Variants in FTCDNL1 observed in about 807,000 individuals in gnomAD.
The protein encoded by FTCDNL1 is formiminotransferase N-terminal subdomain-containing protein.
FTCDNL1 carries 11 observed loss-of-function variants against 5.9 expected under a neutral mutation model. The ratio of observed to expected loss-of-function variants is 1.87; its 90% CI spans 1.18 to 3.10. FTCDNL1 has a LOEUF of 3.10. Ranked by LOEUF, FTCDNL1 falls within the 30% of genes most tolerant of loss-of-function variation. The probability of loss-of-function intolerance (pLI) is 0.00; values close to 1 mark genes in which losing one functional copy is unlikely to be tolerated. For synonymous variants in FTCDNL1, 58 were observed against 24.8 expected, an observed-to-expected ratio of 2.34 and a Z score of -3.99; for missense variants, 115 against 65.5, an observed-to-expected ratio of 1.76 and a Z score of -2.61.
At chr2:199,784,154 G>C (rs774294160) in intron 3 of FTCDNL1, among the ~76,000 whole-genome samples, 2 of 152,150 alleles carry the variant, frequency 1.3e-5, no homozygotes, top group Non-Finnish European at 2.9e-5. Flanking sequence ...AGATGAAAGA[G>C]TCTTTATATG....
chr2:199,754,470 C>A, the FTCDNL1 span, among the ~76,000 whole-genome samples: 1 of 152,092 alleles, frequency 6.6e-6, no homozygotes, highest in African/African-American at 2.4e-5. Context: ...GTCTTTAACA[C>A]CAGGAGGCCA....
At chr2:199,719,359 G>C in the FTCDNL1 span, among the ~76,000 whole-genome samples, 1 of 152,010 alleles carries the variant, frequency 6.6e-6, no homozygotes, top group East Asian at 1.9e-4. Flanking sequence ...TAGGTATGTG[G>C]CCTTATTTTC....
intron 3 of FTCDNL1, among the ~76,000 whole-genome samples, chr2:199,841,705 C>T (rs769964): frequency 0.047 from 7,101 of 152,178 alleles, 380 homozygotes; most frequent in African/African-American, 0.11. Flanking sequence ...CTTTCTTCTG[C>T]CATTTTAAGT....
intron 3 of FTCDNL1, among the ~76,000 whole-genome samples, chr2:199,832,692 G>A (rs913102187): frequency 1.3e-5 from 2 of 152,034 alleles, no homozygotes; most frequent in African/African-American, 4.8e-5. Flanking sequence ...CTCTCTTTAT[G>A]GTGAAAGAGA....
At chr2:199,821,392 C>T (rs1399830789) in intron 3 of FTCDNL1, among the ~76,000 whole-genome samples, 1 of 151,148 alleles carries the variant, frequency 6.6e-6, no homozygotes, top group African/African-American at 2.4e-5. Flanking sequence ...GAACTCCTGA[C>T]CTCGTGATCT....
At chr2:199,758,316 A>T (rs1342295164), downstream of FTCDNL1, among the ~76,000 whole-genome samples, 1 of 150,382 alleles carries the variant, frequency 6.6e-6, no homozygotes, top group Admixed American at 6.6e-5. Context: ...GAAAACAAAC[A>T]AATAACTTAT....
At chr2:199,780,836 G>A (rs1323252493) in intron 3 of FTCDNL1, among the ~76,000 whole-genome samples, 1 of 152,122 alleles carries the variant, frequency 6.6e-6, no homozygotes, top group Non-Finnish European at 1.5e-5. Context: ...GCCCTTTCCT[G>A]GTGTGACCAG....
chr2:199,824,207 T>C (rs1701879893), intron 3 of FTCDNL1, among the ~76,000 whole-genome samples: 2 of 152,240 alleles, frequency 1.3e-5, no homozygotes, highest in African/African-American at 4.8e-5. Flanking sequence ...CTTGCACTTT[T>C]ATGTTATGGA....
intron 3 of FTCDNL1, among the ~76,000 whole-genome samples, chr2:199,791,527 T>C (rs1480275867): frequency 3.3e-5 from 5 of 152,164 alleles, no homozygotes; most frequent in African/African-American, 4.8e-5. Flanking sequence ...TTAGTCACTA[T>C]GGTAACTTGC....
At chr2:199,678,410 T>A in the FTCDNL1 span, among the ~76,000 whole-genome samples, 50 of 152,292 alleles carry the variant, frequency 3.3e-4, no homozygotes, top group African/African-American at 1.2e-3. Context: ...ATAGCCCCCT[T>A]AGAAACTTGA....
chr2:199,802,618 C>A (rs1559200500), intron 3 of FTCDNL1, among the ~76,000 whole-genome samples: 1 of 152,178 alleles, frequency 6.6e-6, no homozygotes, highest in Non-Finnish European at 1.5e-5. Context: ...CTGATGGGGA[C>A]TACTCTGGGT....
At chr2:199,685,241 T>C in the FTCDNL1 span, among the ~76,000 whole-genome samples, 1 of 152,134 alleles carries the variant, frequency 6.6e-6, no homozygotes, top group Non-Finnish European at 1.5e-5. Context: ...CTAAGAGACC[T>C]GCAGGCGAAG....
rs192295634 is a variant in FTCDNL1, at chr2:199,803,058, G to A, written c.212-42223C>T. Among the ~76,000 whole-genome samples the A allele has an allele frequency of 4.6e-3, 696 of 151,986 alleles. 4 individuals carry two copies. The highest frequency in any genetic ancestry group is 0.016 in the African/African-American group (657 of 41,450). On this transcript the variant is annotated intron_variant, in intron 3 of 3. Coordinates refer to the FTCDNL1 transcript ENST00000416668. ...GAAATAAAAAAATTAGCCAGCTGTG[G>A]TGGTGTGCACCTGTAACCCCAGCTA... is the stretch of plus-strand genomic sequence containing the variant.
At chr2:199,770,847 T>C (rs1476817484) in intron 3 of FTCDNL1, among the ~76,000 whole-genome samples, 1 of 152,230 alleles carries the variant, frequency 6.6e-6, no homozygotes, top group African/African-American at 2.4e-5. Flanking sequence ...AAAATATTCA[T>C]AATTACATAC....
rs1408657776 is a variant in FTCDNL1 at position 199,765,552 on chromosome 2, A to AT, written c.212-4718dup. On this transcript the variant is annotated intron_variant, in intron 3 of 3. Transcript: ENST00000416668. ...CTTCATTATATATATATATATATAT[A>AT]TATATTTTTTTTTTTTTTTTTGGAG... 0.019 allele frequency among the ~76,000 whole-genome samples: 1,066 copies of AT among 57,532 alleles called. 79 individuals carry two copies. The East Asian group carries it at 0.29, about 15-fold the overall frequency. The allele number at this position is 57,532 out of a possible 152,430, so 37.7% of individuals were successfully genotyped here.
chr2:199,841,444 T>C (rs1002992133), intron 3 of FTCDNL1, among the ~76,000 whole-genome samples: 4 of 152,078 alleles, frequency 2.6e-5, no homozygotes, highest in Non-Finnish European at 5.9e-5. Flanking sequence ...GAAAAACCTG[T>C]ATGCTTTAAA....
intron 3 of FTCDNL1, among the ~76,000 whole-genome samples, chr2:199,792,110 T>C (rs572429932): frequency 6.6e-6 from 1 of 151,432 alleles, no homozygotes; most frequent in East Asian, 2.0e-4. Flanking sequence ...CAGTAAATTT[T>C]GTTGAAAAGA....
At chr2:199,840,955 C>T (rs1049192471) in intron 3 of FTCDNL1, among the ~76,000 whole-genome samples, 4 of 151,768 alleles carry the variant, frequency 2.6e-5, no homozygotes, top group African/African-American at 9.7e-5. Context: ...ATTCAAGACC[C>T]ACCTGGGCAA....
chr2:199,789,359 C>T (rs1032885971), intron 3 of FTCDNL1, among the ~76,000 whole-genome samples: 1 of 152,056 alleles, frequency 6.6e-6, no homozygotes, highest in South Asian at 2.1e-4. Flanking sequence ...TACATCAATA[C>T]ATTAAGGGAG....
Sources: gnomAD v4.1 joint callset for allele counts (sites outside exome capture counted in the v4.1 genomes callset) on GRCh38, gnomAD v4.1.1 for gene constraint, MANE v1.5 for transcripts, NCBI Gene and HGNC (gene_info 2026-07-23, HGNC 2026-07-21) for gene names.